The following RAD17 variants were observed in gnomAD, a reference collection of about 807,000 sequenced individuals.
RAD17 encodes the protein cell cycle checkpoint protein RAD17.
Under a neutral mutation model 81.5 loss-of-function variants are expected in RAD17, and 31 were observed. That is an observed-to-expected ratio of 0.38 (90% CI 0.29 to 0.51). RAD17 has a LOEUF of 0.51. RAD17 is among the 20% of genes least tolerant of loss of function. RAD17 has a pLI of 0.88. For missense variants in RAD17, 681 were observed against 781.2 expected, an observed-to-expected ratio of 0.87 and a Z score of 1.53; for synonymous variants, 261 against 266.2, an observed-to-expected ratio of 0.98 and a Z score of 0.19.
chr5:69,404,505 C>T (rs1439290342), intron 17 of RAD17, among the ~76,000 whole-genome samples: 1 of 151,794 alleles, frequency 6.6e-6, no homozygotes, highest in Non-Finnish European at 1.5e-5. Context: ...CGGTGGCTCA[C>T]GCCTGTAACC....
chr5:69,376,178 G>C (rs964960321), intron 6 of RAD17, among the ~76,000 whole-genome samples: 4 of 152,164 alleles, frequency 2.6e-5, no homozygotes, highest in Admixed American at 6.5e-5. Flanking sequence ...TCATTGTAGA[G>C]TAACTTTCCC....
intron 6 of RAD17, among the ~76,000 whole-genome samples, chr5:69,377,961 TA>T (rs574377148): frequency 6.6e-6 from 1 of 151,162 alleles, no homozygotes; most frequent in East Asian, 2.0e-4. Flanking sequence ...TCTGGCTAAT[TA>T]AAAAAAAATT....
chr5:69,370,904 C>T (rs867029387), intron 1 of RAD17, 131 bp from the exon 2 acceptor site: 36 of 238,064 alleles, frequency 1.5e-4, no homozygotes, highest in African/African-American at 7.7e-4. Flanking sequence ...TCGTTGAATT[C>T]ACTAGTTTGC....
chr5:69,391,142 A>G (rs959302642), intron 12 of RAD17, among the ~76,000 whole-genome samples: 1 of 150,880 alleles, frequency 6.6e-6, no homozygotes, highest in African/African-American at 2.4e-5. Context: ...AGGCAGGAGA[A>G]TCGCTTGAAC....
chr5:69,393,215 G>A lies in RAD17; in HGVS notation c.1250G>A (p.Arg417Gln), dbSNP rs757000568. 2 of 1,610,754 alleles carry A rather than the reference G, an allele frequency of 1.2e-6. No homozygotes were observed. Among genetic ancestry groups the A allele is most frequent in the East Asian group, 2.2e-5 (1 of 44,764 alleles). Residue 417 changes from arginine (R) to glutamine (Q), a missense_variant, in exon 14 of 19, where the codon CGG (arginine) becomes CAG (glutamine). By Grantham distance (43) the Arg-to-Gln change is conservative. Coordinates refer to ENST00000354868, the MANE Select transcript of RAD17 (RefSeq NM_133338.3). ...RLPSHLSEYE[R>Q]DTLLVEPEEV... ...CCCTCTCATTTATCAGAATATGAAC[G>A]GGATACATTACTTGTTGAACCTGAG...
rs142663725 is a variant in RAD17, at chr5:69,413,787, G to C, written c.1752-244G>C. ...TGGCCTCAAGTGATCTGCCTGCCTTGGCCTCCCACAGTGCAGATAGTACAG... is the reference window on the plus strand; with the variant it reads ...TGGCCTCAAGTGATCTGCCTGCCTTCGCCTCCCACAGTGCAGATAGTACAG... On this transcript the variant is annotated intron_variant, in intron 18 of 18. Transcript: ENST00000354868. 2.6e-3 allele frequency among the ~76,000 whole-genome samples: 401 copies of C among 152,276 alleles called. 1 individual carries two copies. The highest frequency in any genetic ancestry group is 9.4e-3 in the African/African-American group (392 of 41,548).
chr5:69,369,453 G>C, upstream of RAD17: 1 of 1,609,824 alleles, frequency 6.2e-7, no homozygotes, highest in Non-Finnish European at 8.5e-7. Context: ...TCCCGGCCGC[G>C]CGCCCTGACC....
chr5:69,369,694 G>A (rs1042994238), upstream of RAD17: 4 of 1,553,240 alleles, frequency 2.6e-6, no homozygotes, highest in Admixed American at 7.8e-5. Context: ...CAAAGTTGGA[G>A]GGTGGGCATA....
intron 17 of RAD17, among the ~76,000 whole-genome samples, chr5:69,400,438 G>T (rs549861976): frequency 6.6e-6 from 1 of 151,750 alleles, no homozygotes; most frequent in African/African-American, 2.4e-5. Flanking sequence ...GGATGGTCTC[G>T]ATCTCCTGAC....
At chr5:69,396,307 A>G in intron 15 of RAD17, 90 bp from the exon 16 acceptor site, 8 of 1,378,798 alleles carry the variant, frequency 5.8e-6, no homozygotes, top group Non-Finnish European at 7.9e-6. Flanking sequence ...CATAGAAACT[A>G]AATACGGTTA....
At chr5:69,380,976 C>G (rs1005972539) in intron 6 of RAD17, among the ~76,000 whole-genome samples, 3 of 151,826 alleles carry the variant, frequency 2.0e-5, no homozygotes, top group Non-Finnish European at 2.9e-5. Context: ...GCCATGTTGA[C>G]TAGGCTGGTC....
chr5:69,405,352 CA>C lies in RAD17; in HGVS notation c.1694-5129del, dbSNP rs1449313624. On this transcript the variant is annotated intron_variant, in intron 17 of 18. Coordinates refer to ENST00000354868, the MANE Select transcript of RAD17 (RefSeq NM_133338.3). Reference sequence around the variant, plus strand: ...CCCATCTCTACTAAAAACACACACACAAAAAAAAAAAACACCAAAAAAACTA... The same window carrying C: ...CCCATCTCTACTAAAAACACACACACAAAAAAAAAAACACCAAAAAAACTA... 2.0e-3 allele frequency among the ~76,000 whole-genome samples: 261 copies of C among 130,134 alleles called. 3 individuals are homozygous for C. The East Asian group carries it at 0.025, about 13-fold the overall frequency. The allele number at this position is 130,134 out of a possible 152,430, so 85.4% of individuals were successfully genotyped here.
intron 6 of RAD17, among the ~76,000 whole-genome samples, chr5:69,378,547 G>C (rs1763650445): frequency 6.6e-6 from 1 of 152,130 alleles, no homozygotes; most frequent in African/African-American, 2.4e-5. Context: ...ATTCAAGGTA[G>C]TTATGTTCTG....
intron 7 of RAD17, among the ~76,000 whole-genome samples, chr5:69,383,703 G>A (rs1256316371): frequency 6.6e-6 from 1 of 152,010 alleles, no homozygotes; most frequent in Admixed American, 6.6e-5. Context: ...ATTTTTTTAA[G>A]AGAGAAAGTC....
chr5:69,385,874 T>C (rs998591879), intron 8 of RAD17, among the ~76,000 whole-genome samples, 169 bp from the exon 9 acceptor site: 1 of 152,210 alleles, frequency 6.6e-6, no homozygotes, highest in Admixed American at 6.5e-5. Context: ...GGGATCCCCA[T>C]TGATGTATAT....
Position 69,414,498 on chromosome 5 carries a change from C to A in RAD17, c.*206C>A. ...AAGCCTTCAAATCTCTTAATTTTTT[C>A]GGTATTTATTAAATCTGTGAGTGGT... On this transcript the variant is annotated 3_prime_UTR_variant, in exon 19 of 19. Transcript: ENST00000354868. 1.5e-6 allele frequency: 1 copy of A among 661,144 alleles called. No homozygotes were observed. The highest frequency in any genetic ancestry group is 2.5e-6 in the Non-Finnish European group (1 of 399,878). The allele number at this position is 661,144 out of a possible 1,614,324, so 41.0% of individuals were successfully genotyped here. A position where few individuals can be genotyped will look rare whatever the true frequency, so the allele number is the denominator to read the frequency against.
chr5:69,369,351 G>C, upstream of RAD17: 1 of 1,203,066 alleles, frequency 8.3e-7, no homozygotes, highest in Non-Finnish European at 1.1e-6. Context: ...CGTGGCCCTC[G>C]GCCGGCCTCT....
chr5:69,413,167 G>A (rs1022708849), intron 18 of RAD17, among the ~76,000 whole-genome samples: 2 of 152,050 alleles, frequency 1.3e-5, no homozygotes, highest in African/African-American at 4.8e-5. Context: ...AAGGCTGGGT[G>A]TGGTGGCTCA....
chr5:69,399,977 C>T (rs1765156245), intron 16 of RAD17, 72 bp from the exon 17 acceptor site: 1 of 1,011,924 alleles, frequency 9.9e-7, no homozygotes, highest in East Asian at 3.0e-5. Context: ...ATATAATAAA[C>T]TTAGTTTGTC....
Sources: allele counts gnomAD v4.1 joint callset (sites outside exome capture counted in the v4.1 genomes callset), GRCh38; gene constraint gnomAD v4.1.1; transcripts MANE v1.5; gene names NCBI Gene and HGNC (gene_info 2026-07-23, HGNC 2026-07-21).